The following ARL6IP4 variants were observed in gnomAD, a reference collection of about 807,000 sequenced individuals.
ARL6IP4 encodes the protein ARF like GTPase 6 interacting protein 4, also known as ADP-ribosylation factor-like protein 6-interacting protein 4.
ARL6IP4 carries 24 observed loss-of-function variants against 28.1 expected under a neutral mutation model. That is an observed-to-expected ratio of 0.86 (90% CI 0.62 to 1.20). The LOEUF (loss-of-function observed/expected upper bound fraction) is 1.20, where lower values mean the gene tolerates loss of function less well. Among genes scored for constraint, ARL6IP4 ranks in the 50% most tolerant of loss-of-function variants. The pLI, the probability that ARL6IP4 is intolerant of heterozygous loss-of-function variation, is 0.00. For synonymous variants in ARL6IP4, 162 were observed against 122.3 expected (o/e 1.32, Z -2.14); for missense variants, 343 against 302.4 (o/e 1.13, Z -1.00).
chr12:122,981,901 G>C (rs909937507), intron 3 of ARL6IP4, 22 bp downstream of exon 3: 1 of 1,613,374 alleles, frequency 6.2e-7, no homozygotes, highest in African/African-American at 1.3e-5. Flanking sequence ...CCCAGCACCT[G>C]AGAGGGAGAA....
intron 4 of ARL6IP4, 190 bp downstream of exon 4, chr12:122,982,264 C>T (rs1294145128): frequency 1.3e-6 from 1 of 795,814 alleles, no homozygotes; most frequent in Non-Finnish European, 2.0e-6. Context: ...CTTGAAAGGG[C>T]TGTTGTTGGC....
intron 1 of ARL6IP4, 94 bp downstream of exon 1, chr12:122,980,839 G>C (rs1241821719): frequency 7.5e-7 from 1 of 1,332,864 alleles, no homozygotes; most frequent in Non-Finnish European, 9.5e-7. Flanking sequence ...AAGCGCCCCA[G>C]ACGCCACTCG....
chr12:122,980,431 A>T, upstream of ARL6IP4: 1 of 1,361,276 alleles, frequency 7.3e-7, no homozygotes, highest in Non-Finnish European at 9.5e-7. Context: ...GGCGCGCGCG[A>T]GGGTCGCCTT....
In ARL6IP4 at chr12:122,981,553, C is replaced by G; in HGVS notation, c.161-18C>G. The G allele has an allele frequency of 6.5e-7, 1 of 1,527,004 alleles. No individual in the cohort carries two copies. Among genetic ancestry groups the G allele is most frequent in the Non-Finnish European group, 8.8e-7 (1 of 1,137,844 alleles). The allele number at this position is 1,527,004 out of a possible 1,614,324, so 94.6% of individuals were successfully genotyped here. On this transcript the variant is annotated intron_variant, in intron 2 of 5. Coordinates refer to ENST00000315580, the MANE Select transcript of ARL6IP4 (RefSeq NM_018694.4). ...AGCAGGGGACGAAGGTTTACCTCTTCCCCTCCTGGCCTTCCAGCCTCACCT... is the reference window on the plus strand; with the variant it reads ...AGCAGGGGACGAAGGTTTACCTCTTGCCCTCCTGGCCTTCCAGCCTCACCT...
At chr12:122,980,302 C>G (rs1490720564), upstream of ARL6IP4, 2 of 1,281,742 alleles carry the variant, frequency 1.6e-6, no homozygotes, top group African/African-American at 3.0e-5. Flanking sequence ...CTTTCTGGCC[C>G]CTACGGACAC....
intron 2 of ARL6IP4, 125 bp downstream of exon 2, chr12:122,981,424 C>T (rs903161886): frequency 7.1e-7 from 1 of 1,398,934 alleles, no homozygotes; most frequent in Non-Finnish European, 9.4e-7. Flanking sequence ...GGCCAGGCGC[C>T]GCAGGAGCCA....
At chr12:122,980,455 CG>C (rs1344285237), upstream of ARL6IP4, 7 of 1,360,846 alleles carry the variant, frequency 5.1e-6, no homozygotes, top group South Asian at 4.0e-5. Context: ...CCCAGGGCAC[CG>C]GGGGCGTGGG....
chr12:122,980,385 CGTA>C, upstream of ARL6IP4: 1 of 1,344,152 alleles, frequency 7.4e-7, no homozygotes, highest in Non-Finnish European at 9.6e-7. Context: ...AGCTCGCAGT[CGTA>C]TGGAGAGGGC....
chr12:122,980,755 G>T lies in ARL6IP4; in HGVS notation c.-12+10G>T. 1.5e-6 allele frequency: 2 copies of T among 1,316,450 alleles called. No individual in the cohort carries two copies. Among genetic ancestry groups the T allele is most frequent in the South Asian group, 2.2e-5 (1 of 46,098 alleles). The allele number at this position is 1,316,450 out of a possible 1,614,324, so 81.5% of individuals were successfully genotyped here. ...CCGCAGGGCGGTCGAGGTGGGAACG[G>T]AGCAGCCCCGGGGGCCCCCTTGAGG... On this transcript the variant is annotated intron_variant, in intron 1 of 5. Transcript: ENST00000315580.
upstream of ARL6IP4, chr12:122,980,379 C>T: frequency 7.5e-7 from 1 of 1,326,504 alleles, no homozygotes; most frequent in Non-Finnish European, 9.6e-7. Context: ...GTCTGGAGCT[C>T]GCAGTCGTAT....
Position 122,981,165 on chromosome 12 carries a change from G to T in ARL6IP4, c.26G>T (p.Arg9Leu), listed in dbSNP as rs1433823769. The part of the protein sequence containing the change: MAHVGSRK[R>L]SRSRSRSRGR... The stretch of plus-strand genomic sequence containing the variant: ...ATGGCTCACGTCGGCTCCCGCAAGC[G>T]CTCGAGGAGTCGCAGCCGGTCCCGG... The change falls in exon 2 of 6, where the codon CGC (arginine) becomes CTC (leucine). Residue 9 changes from arginine to leucine, a missense_variant. By Grantham distance (102) the Arg-to-Leu change is moderately radical (BLOSUM62 -2). Coordinates refer to ENST00000315580, the MANE Select transcript of ARL6IP4 (RefSeq NM_018694.4). The T allele has an allele frequency of 2.7e-5, 42 of 1,549,280 alleles. No homozygotes were observed. Among genetic ancestry groups the T allele is most frequent in the Non-Finnish European group, 3.4e-5 (39 of 1,146,598 alleles).
intron 2 of ARL6IP4, 75 bp downstream of exon 2, chr12:122,981,374 G>T (rs920765894): frequency 1.9e-5 from 28 of 1,481,722 alleles, no homozygotes; most frequent in Admixed American, 2.3e-5. Context: ...GGTCGGGGAC[G>T]CTCAGTCATG....
In ARL6IP4 at chr12:122,982,231, G is replaced by A. The variant is rs970120981; in HGVS notation, c.587+157G>A. On this transcript the variant is annotated intron_variant, in intron 4 of 5. Transcript: ENST00000315580. ...TCACTTGGAGTAAGTAGTTGCAGGG[G>A]CTGGAAGGGCCTGGAGGAGGCTCTT... 6 of 907,688 alleles carry A rather than the reference G, an allele frequency of 6.6e-6. No homozygotes were observed. In the South Asian group the frequency reaches 7.7e-5, roughly 12 times the overall value. 56.2% of individuals were successfully genotyped at this position (907,688 alleles called of 1,614,324 possible).
rs746399440 is a variant in ARL6IP4 at position 122,981,783 on chromosome 12, G to A, written c.373G>A (p.Gly125Ser). Residue 125 changes from glycine to serine, a missense_variant, in exon 3 of 6, where the codon GGC becomes AGC. Gly to Ser is a moderately conservative substitution (Grantham distance 56). Transcript: ENST00000315580. ...KKKRKKLKKK[G>S]KEKAEAQQVE... ...GAAGAGGAAGAAGCTGAAGAAGAAG[G>A]GCAAGGAGAAGGCGGAAGCACAGCA... 23 of 1,584,842 alleles carry A rather than the reference G, an allele frequency of 1.5e-5. No homozygotes were observed. The Admixed American group carries it at 1.5e-4, about 10-fold the overall frequency.
rs1048808727 is a variant in ARL6IP4 at position 122,980,742 on chromosome 12, C to T, written c.-15C>T. ...CGGGCTGTCCGGCCCGCAGGGCGGT[C>T]GAGGTGGGAACGGAGCAGCCCCGGG... On this transcript the variant is annotated 5_prime_UTR_variant, in exon 1 of 6. Coordinates refer to ENST00000315580, the MANE Select transcript of ARL6IP4 (RefSeq NM_018694.4). 10 of 1,320,664 alleles carry T rather than the reference C, an allele frequency of 7.6e-6. No homozygotes were observed. Among genetic ancestry groups the T allele is most frequent in the Admixed American group, 4.2e-5 (1 of 23,908 alleles). 81.8% of individuals were successfully genotyped at this position (1,320,664 alleles called of 1,614,324 possible). A position where few individuals can be genotyped will look rare whatever the true frequency, so the allele number is the denominator to read the frequency against.
rs1157943375 is a variant in ARL6IP4, at chr12:122,981,624, A to G, written c.214A>G (p.Thr72Ala). 1.9e-6 allele frequency: 3 copies of G among 1,562,230 alleles called. No homozygotes were observed. The highest frequency in any genetic ancestry group is 1.4e-5 in the African/African-American group (1 of 73,808). Residue 72 changes from threonine to alanine, a missense_variant, in exon 3 of 6, where the codon ACA (threonine) becomes GCA (alanine). Physicochemically the swap from Thr to Ala is moderately conservative, Grantham distance 58. Transcript: ENST00000315580. ...AAGCAAGCAGAAGGCCCGGAGGAGA[A>G]CAAGATCCAGCTCCTCCTCCTCTTC... ...ERSKQKARRRTRSSSSSSSSS... is the reference protein window; with the variant it reads ...ERSKQKARRRARSSSSSSSSS...
In ARL6IP4 at chr12:122,981,978, C is replaced by T; in HGVS notation, c.491C>T (p.Ser164Phe). Residue 164 changes from serine to phenylalanine, a missense_variant, in exon 4 of 6, where the codon TCC becomes TTC. Coordinates refer to ENST00000315580, the MANE Select transcript of ARL6IP4 (RefSeq NM_018694.4). Reference sequence around the variant, plus strand: ...CCAGTCCTGACGGATGAGCAGAAGTCCCGAATCCAGGCCATGAAGCCCATG... The same window carrying T: ...CCAGTCCTGACGGATGAGCAGAAGTTCCGAATCCAGGCCATGAAGCCCATG... ...DGPVLTDEQK[S>F]RIQAMKPMTK... 1.9e-6 allele frequency: 3 copies of T among 1,613,764 alleles called. No individual in the cohort carries two copies. Among genetic ancestry groups the T allele is most frequent in the South Asian group, 1.1e-5 (1 of 91,082 alleles).
chr12:122,981,490 G>T, intron 2 of ARL6IP4, 81 bp from the exon 3 acceptor site: 2 of 1,419,532 alleles, frequency 1.4e-6, no homozygotes, highest in Admixed American at 2.7e-5. Flanking sequence ...CTCAGGAAGC[G>T]CTCACCCTGT....
chr12:122,981,732 A>G lies in ARL6IP4; in HGVS notation c.322A>G (p.Lys108Glu). The G allele has an allele frequency of 6.4e-7, 1 of 1,553,970 alleles. No homozygotes were observed. Among genetic ancestry groups the G allele is most frequent in the Non-Finnish European group, 8.7e-7 (1 of 1,148,326 alleles). ...SDGRKKRGKY[K>E]DKRRKKKKKR... ...TGGCCGGAAGAAGCGGGGGAAGTAC[A>G]AGGACAAGAGGAGGAAGAAGAAGAA... Residue 108 changes from lysine (K) to glutamate (E), a missense_variant, in exon 3 of 6, where the codon AAG (lysine) becomes GAG (glutamate). By Grantham distance (56) the Lys-to-Glu change is moderately conservative. Coordinates refer to ENST00000315580, the MANE Select transcript of ARL6IP4 (RefSeq NM_018694.4).
Sources: allele counts gnomAD v4.1 joint callset, GRCh38; gene constraint gnomAD v4.1.1; transcripts MANE v1.5; gene names NCBI Gene and HGNC (gene_info 2026-07-23, HGNC 2026-07-21).